The following LRRC4C variants were observed in gnomAD, a reference collection of about 807,000 sequenced individuals.
The protein encoded by LRRC4C is leucine-rich repeat-containing protein 4C.
A neutral mutation model predicts 33.6 loss-of-function variants in LRRC4C; 5 were observed. That is an observed-to-expected ratio of 0.15 (90% CI 0.08 to 0.31). The LOEUF (loss-of-function observed/expected upper bound fraction) is 0.31. LRRC4C is among the 10% of genes least tolerant of loss of function. The pLI is 1.00. For missense variants in LRRC4C, 560 were observed against 796.7 expected (o/e 0.70, Z 3.58); for synonymous variants, 329 against 302.0 (o/e 1.09, Z -0.93).
intron 3 of LRRC4C, among the ~76,000 whole-genome samples, chr11:40,391,285 C>A (rs1011109969): frequency 6.6e-6 from 1 of 152,248 alleles, no homozygotes; most frequent in Non-Finnish European, 1.5e-5. Flanking sequence ...AATGCATGAA[C>A]AAATGACAAA....
intron 1 of LRRC4C, among the ~76,000 whole-genome samples, chr11:41,085,655 C>T (rs1294499380): frequency 6.6e-6 from 1 of 152,074 alleles, no homozygotes; most frequent in African/African-American, 2.4e-5. Context: ...AGGTGGTTGA[C>T]TCTCTCAACG....
At chr11:40,146,177 G>T (rs751003695) in intron 5 of LRRC4C, among the ~76,000 whole-genome samples, 1 of 152,134 alleles carries the variant, frequency 6.6e-6, no homozygotes, top group African/African-American at 2.4e-5. Context: ...ATGAAGGATG[G>T]ATCAGGACTG....
rs80172961 is a variant in LRRC4C, at chr11:40,320,853, A to G, written c.-269-1132T>C. ...GGAAGCAAAACTCCCATGCTTAAAT[A>G]AAGCCTGAATTTTTATATACTTATA... On this transcript the variant is annotated intron_variant, in intron 3 of 6. Transcript: ENST00000528697. Among the ~76,000 whole-genome samples the G allele has an allele frequency of 6.1e-3, 922 of 152,346 alleles. 11 individuals carry two copies. Among genetic ancestry groups the G allele is most frequent in the African/African-American group, 0.021 (868 of 41,590 alleles).
intron 1 of LRRC4C, among the ~76,000 whole-genome samples, chr11:41,147,091 AT>A (rs904595946): frequency 6.6e-6 from 1 of 152,124 alleles, no homozygotes; most frequent in Non-Finnish European, 1.5e-5. Context: ...AGTGAGTATT[AT>A]TTTTCTGGTG....
At chr11:41,438,762 T>G (rs1955521939) in intron 1 of LRRC4C, among the ~76,000 whole-genome samples, 1 of 152,242 alleles carries the variant, frequency 6.6e-6, no homozygotes, top group African/African-American at 2.4e-5. Flanking sequence ...AAATACTTTT[T>G]CTCATTATTT....
At chr11:40,149,209 C>G (rs1857987651) in intron 5 of LRRC4C, among the ~76,000 whole-genome samples, 1 of 152,096 alleles carries the variant, frequency 6.6e-6, no homozygotes, top group African/African-American at 2.4e-5. Flanking sequence ...ATAATCTTTT[C>G]TAGTTCTGTG....
chr11:40,583,295 C>T (rs890195227), intron 3 of LRRC4C, among the ~76,000 whole-genome samples: 3 of 152,192 alleles, frequency 2.0e-5, no homozygotes, highest in Admixed American at 6.5e-5. Flanking sequence ...TCCCCCTCTG[C>T]TCTAATCTAT....
chr11:40,491,439 A>T (rs1467486989), intron 3 of LRRC4C, among the ~76,000 whole-genome samples: 1 of 152,192 alleles, frequency 6.6e-6, no homozygotes, highest in Admixed American at 6.6e-5. Context: ...CTGCTCAGGC[A>T]CTTACACGGT....
intron 2 of LRRC4C, among the ~76,000 whole-genome samples, chr11:40,829,648 G>C (rs953012870): frequency 5.3e-5 from 8 of 151,908 alleles, no homozygotes; most frequent in African/African-American, 1.9e-4. Flanking sequence ...TCCAAATCGA[G>C]GTCTGTGCTG....
At position 40,187,425 on chromosome 11, in the gene LRRC4C, G is replaced by T. The variant is rs536127254; in HGVS notation, c.-95-46572C>A. ...TGCTCTGTGTGTAAATGTTTGGATT[G>T]ACAGCTCTCAGAAGGCCTGTTGCAA... On this transcript the variant is annotated intron_variant, in intron 5 of 6. Transcript: ENST00000528697. Among the ~76,000 whole-genome samples, 15 of 149,962 alleles carry T rather than the reference G, an allele frequency of 1.0e-4. No individual in the cohort carries two copies. In the South Asian group the frequency reaches 3.2e-3, roughly 32 times the overall value.
At chr11:41,268,452 C>T (rs1328788246) in intron 1 of LRRC4C, among the ~76,000 whole-genome samples, 1 of 152,088 alleles carries the variant, frequency 6.6e-6, no homozygotes, top group Non-Finnish European at 1.5e-5. Context: ...GTTATAGGTA[C>T]TAATAAAATA....
intron 1 of LRRC4C, among the ~76,000 whole-genome samples, chr11:41,251,381 T>C: frequency 6.6e-6 from 1 of 152,286 alleles, no homozygotes; most frequent in South Asian, 2.1e-4. Flanking sequence ...CGTCTGTTTC[T>C]TTCTCCCACA....
intron 5 of LRRC4C, among the ~76,000 whole-genome samples, chr11:40,175,356 T>A (rs1224661416): frequency 6.6e-6 from 1 of 152,236 alleles, no homozygotes; most frequent in African/African-American, 2.4e-5. Flanking sequence ...ACATCCAGGC[T>A]TCCCAGTGAA....
rs1293970339 is a variant in LRRC4C at position 40,459,838 on chromosome 11, C to T, written c.-269-140117G>A. On this transcript the variant is annotated intron_variant, in intron 3 of 6. Transcript: ENST00000528697. ...CAGAGCAAGAGCAGCCACCTGTGTG[C>T]GTGCTGGCTACCTTTTCGCCCCTCA... 3.3e-5 allele frequency among the ~76,000 whole-genome samples: 5 copies of T among 152,182 alleles called. No individual in the cohort carries two copies. In the South Asian group the frequency reaches 6.2e-4, roughly 19 times the overall value.
At chr11:40,370,449 A>G (rs1412437783) in intron 3 of LRRC4C, among the ~76,000 whole-genome samples, 1 of 152,216 alleles carries the variant, frequency 6.6e-6, no homozygotes, top group African/African-American at 2.4e-5. Context: ...AGTTAGATTC[A>G]CAAGGGGGAG....
At chr11:40,469,201 G>T (rs1225478166) in intron 3 of LRRC4C, among the ~76,000 whole-genome samples, 1 of 152,170 alleles carries the variant, frequency 6.6e-6, no homozygotes, top group Non-Finnish European at 1.5e-5. Context: ...CACTAGGACT[G>T]GTTAGACAGT....
Position 40,237,857 on chromosome 11 carries a change from C to T in LRRC4C, c.-96+3662G>A, listed in dbSNP as rs1040719175. On this transcript the variant is annotated intron_variant, in intron 5 of 6. Transcript: ENST00000528697. The stretch of plus-strand genomic sequence containing the variant: ...ACCGAAGTTGGAGCATGAGAAGGAA[C>T]GGAGAGAAGTGAAAGAAGGATAAGC... Among the ~76,000 whole-genome samples the T allele has an allele frequency of 3.3e-5, 5 of 152,016 alleles. 1 individual carries two copies. The South Asian group carries it at 6.2e-4, about 19-fold the overall frequency.
At chr11:41,145,434 T>C (rs568958482) in intron 1 of LRRC4C, among the ~76,000 whole-genome samples, 54 of 130,536 alleles carry the variant, frequency 4.1e-4, no homozygotes, top group Non-Finnish European at 6.9e-4. Flanking sequence ...CTACACGCTA[T>C]GGTCAAAATT....
chr11:40,605,888 T>C (rs1004691722), intron 3 of LRRC4C, among the ~76,000 whole-genome samples: 1 of 152,184 alleles, frequency 6.6e-6, no homozygotes, highest in African/African-American at 2.4e-5. Flanking sequence ...GGGTCCTACA[T>C]TCTAGCTTTT....
Sources: gnomAD v4.1 joint callset for allele counts (sites outside exome capture counted in the v4.1 genomes callset) on GRCh38, gnomAD v4.1.1 for gene constraint, MANE v1.5 for transcripts, NCBI Gene and HGNC (gene_info 2026-07-23, HGNC 2026-07-21) for gene names.